CRACD: variants seen among roughly 807,000 people sequenced by gnomAD.
CRACD encodes the protein capping protein inhibiting regulator of actin dynamics.
In CRACD, 56 loss-of-function variants were observed where a neutral mutation model predicts 106.8. That is an observed-to-expected ratio of 0.52 (90% CI 0.42 to 0.66). The LOEUF (loss-of-function observed/expected upper bound fraction) is 0.66, where lower values mean the gene tolerates loss of function less well. Among genes scored for constraint, CRACD ranks in the 30% least tolerant of loss-of-function variants. The probability of loss-of-function intolerance (pLI) is 0.00; values close to 1 mark genes in which losing one functional copy is unlikely to be tolerated. For missense variants in CRACD, 1,730 were observed against 1,623.2 expected (o/e 1.07, Z -1.13); for synonymous variants, 754 against 670.8 (o/e 1.12, Z -1.92).
intron 1 of CRACD, among the ~76,000 whole-genome samples, chr4:56,140,218 G>A (rs1187028995): frequency 1.3e-5 from 2 of 152,148 alleles, no homozygotes; most frequent in Non-Finnish European, 2.9e-5. Context: ...AGATGTTGAA[G>A]ACCTGCCCGT....
intron 1 of CRACD, among the ~76,000 whole-genome samples, chr4:56,170,688 A>T (rs1359073976): frequency 3.3e-5 from 5 of 152,054 alleles, no homozygotes; most frequent in Non-Finnish European, 7.4e-5. Flanking sequence ...CAAAAAATTA[A>T]AAATTAGCCA....
At chr4:56,291,777 G>C (rs1209562331) in intron 3 of CRACD, among the ~76,000 whole-genome samples, 1 of 152,178 alleles carries the variant, frequency 6.6e-6, no homozygotes, top group Non-Finnish European at 1.5e-5. Context: ...TATATAGCCT[G>C]CAGAACCATA....
At chr4:56,322,198 T>G (rs1300125367) in intron 8 of CRACD, among the ~76,000 whole-genome samples, 2 of 152,224 alleles carry the variant, frequency 1.3e-5, no homozygotes, top group Non-Finnish European at 2.9e-5. Flanking sequence ...TTTTGTAGAG[T>G]GACCAGGATT....
chr4:56,226,224 G>A (rs766558416), intron 2 of CRACD, among the ~76,000 whole-genome samples: 8 of 152,144 alleles, frequency 5.3e-5, no homozygotes, highest in South Asian at 2.1e-4. Context: ...GAGGAGGCAC[G>A]TTATAAATAT....
At chr4:56,173,150 G>A (rs543296662) in intron 1 of CRACD, among the ~76,000 whole-genome samples, 27 of 152,274 alleles carry the variant, frequency 1.8e-4, no homozygotes, top group Middle Eastern at 3.4e-3. Context: ...CAGATCGCAG[G>A]AGCTGTGAAA....
At chr4:56,209,642 T>G (rs1339907062) in intron 2 of CRACD, among the ~76,000 whole-genome samples, 1 of 152,180 alleles carries the variant, frequency 6.6e-6, no homozygotes, top group African/African-American at 2.4e-5. Context: ...GTAAATATAT[T>G]TAGCTTCTCT....
intron 6 of CRACD, among the ~76,000 whole-genome samples, chr4:56,312,543 A>G (rs1406219972): frequency 6.6e-6 from 1 of 152,156 alleles, no homozygotes; most frequent in African/African-American, 2.4e-5. Context: ...TTCCTTCAAC[A>G]GATATTTATT....
chr4:56,083,365 G>C (rs1733100662), intron 1 of CRACD, among the ~76,000 whole-genome samples: 1 of 152,152 alleles, frequency 6.6e-6, no homozygotes. Flanking sequence ...CTTTTGTGAA[G>C]ATAAAAGGCT....
chr4:56,237,508 A>C (rs80260886), intron 2 of CRACD, among the ~76,000 whole-genome samples: 4,009 of 152,220 alleles, frequency 0.026, 170 homozygotes, highest in African/African-American at 0.09. Context: ...TTGTCAGTAA[A>C]TGCAGCTTCA....
chr4:56,055,425 G>C (rs2412729), intron 1 of CRACD, among the ~76,000 whole-genome samples: 4,126 of 146,016 alleles, frequency 0.028, 125 homozygotes, highest in Admixed American at 0.08. Flanking sequence ...ATAGTCCCAA[G>C]ATCACCATTT....
chr4:56,272,665 C>T (rs1742427317), intron 3 of CRACD, among the ~76,000 whole-genome samples, 173 bp downstream of exon 3: 1 of 152,102 alleles, frequency 6.6e-6, no homozygotes, highest in South Asian at 2.1e-4. Context: ...CCGAGGCGGG[C>T]AGATCACTTG....
At chr4:56,108,644 A>G (rs146394999) in intron 1 of CRACD, among the ~76,000 whole-genome samples, 3,627 of 152,246 alleles carry the variant, frequency 0.024, 62 homozygotes, top group Admixed American at 0.057. Flanking sequence ...ATTGCATACA[A>G]GACAAGGGGG....
At chr4:56,116,438 A>G (rs1378192554) in intron 1 of CRACD, among the ~76,000 whole-genome samples, 1 of 152,196 alleles carries the variant, frequency 6.6e-6, no homozygotes. Context: ...ATGCACTTCA[A>G]TGATAGATCC....
intron 1 of CRACD, among the ~76,000 whole-genome samples, chr4:56,122,474 C>G (rs1229674016): frequency 2.0e-5 from 3 of 152,156 alleles, no homozygotes; most frequent in Admixed American, 2.0e-4. Flanking sequence ...ACTTCCACTG[C>G]CCTGGGCTTG....
At chr4:56,288,003 T>TG (rs1743469177) in intron 3 of CRACD, among the ~76,000 whole-genome samples, 1 of 152,230 alleles carries the variant, frequency 6.6e-6, no homozygotes, top group Admixed American at 6.5e-5. Context: ...TAATGGTTCC[T>TG]GGAGTGGGTT....
At chr4:56,166,630 CACCACTGCACTCTA>C (rs1047000291) in intron 1 of CRACD, among the ~76,000 whole-genome samples, 1 of 137,232 alleles carries the variant, frequency 7.3e-6, no homozygotes, top group Non-Finnish European at 1.5e-5. Context: ...CAGTGAGCCA[CACCACTGCACTCTA>C]GCCTGGGTGA....
chr4:56,098,504 AGGT>A (rs138188856), intron 1 of CRACD, among the ~76,000 whole-genome samples: 1,745 of 152,294 alleles, frequency 0.011, 35 homozygotes, highest in African/African-American at 0.04. Flanking sequence ...TAATTACTGA[AGGT>A]TTTTCTGATG....
intron 2 of CRACD, among the ~76,000 whole-genome samples, chr4:56,197,723 G>T (rs922288906): frequency 2.0e-5 from 3 of 151,332 alleles, no homozygotes; most frequent in Admixed American, 6.6e-5. Flanking sequence ...CTGTTGCCCC[G>T]CTGGAGTGCA....
At chr4:56,288,390 C>G (rs190007570) in intron 3 of CRACD, 1 of 226,476 alleles carries the variant, frequency 4.4e-6, no homozygotes, top group Non-Finnish European at 9.0e-6. Flanking sequence ...TCTTGCCCCC[C>G]GCTCCCTCCC....
Sources: allele counts gnomAD v4.1 joint callset (sites outside exome capture counted in the v4.1 genomes callset), GRCh38; gene constraint gnomAD v4.1.1; transcripts MANE v1.5; gene names NCBI Gene and HGNC (gene_info 2026-07-23, HGNC 2026-07-21).